Variants in NMU observed in about 807,000 individuals in gnomAD.
NMU encodes neuromedin-U.
A neutral mutation model predicts 35.4 loss-of-function variants in NMU; 29 were observed. That is an observed-to-expected ratio of 0.82 (90% CI 0.61 to 1.12). The LOEUF (loss-of-function observed/expected upper bound fraction) is 1.12. Among genes scored for constraint, NMU ranks in the 50% most tolerant of loss-of-function variants. NMU has a pLI of 0.00. For synonymous variants in NMU, 78 were observed against 81.3 expected (o/e 0.96, Z 0.22); for missense variants, 199 against 206.2 (o/e 0.97, Z 0.21).
chr4:55,629,583 C>A lies in NMU; in HGVS notation c.171+819G>T, dbSNP rs190175852. ...GCAGTGAGCGGAGATAGAGCCACTGCACTCCAGCATGGTGACAGCAAGACC... is the reference window on the plus strand; with the variant it reads ...GCAGTGAGCGGAGATAGAGCCACTGAACTCCAGCATGGTGACAGCAAGACC... On this transcript the variant is annotated intron_variant, in intron 2 of 9. Transcript: ENST00000264218. 1.5e-4 allele frequency among the ~76,000 whole-genome samples: 21 copies of A among 142,680 alleles called. No individual in the cohort carries two copies. In the East Asian group the frequency reaches 2.9e-3, roughly 19 times the overall value. The allele number at this position is 142,680 out of a possible 152,430, so 93.6% of individuals were successfully genotyped here.
At chr4:55,609,065 C>A in intron 4 of NMU, 55 bp downstream of exon 4, 1 of 1,456,736 alleles carries the variant, frequency 6.9e-7, no homozygotes, top group Non-Finnish European at 9.6e-7. Flanking sequence ...AGGAGAAATT[C>A]CAAGAAATTT....
intron 1 of NMU, among the ~76,000 whole-genome samples, chr4:55,634,621 G>T (rs993287912): frequency 6.6e-6 from 1 of 152,178 alleles, no homozygotes; most frequent in Non-Finnish European, 1.5e-5. Flanking sequence ...CAAATGCATA[G>T]AAAGCCATTT....
chr4:55,598,244 A>G (rs993892011), intron 9 of NMU, among the ~76,000 whole-genome samples: 4 of 151,816 alleles, frequency 2.6e-5, no homozygotes, highest in Non-Finnish European at 5.9e-5. Context: ...GGCATGCACC[A>G]CCACATCTGG....
At position 55,608,812 on chromosome 4, in the gene NMU, A is replaced by G. The variant is rs17085947; in HGVS notation, c.279+308T>C. On this transcript the variant is annotated intron_variant, in intron 4 of 9. Transcript: ENST00000264218. ...GCTTAGAAAGATGCATCTGTTCTCC[A>G]AAGTAGCATGAGTCAGGGCAAAAAA... 9.0e-3 allele frequency among the ~76,000 whole-genome samples: 1,374 copies of G among 152,186 alleles called. 27 individuals carry two copies. Among genetic ancestry groups the G allele is most frequent in the African/African-American group, 0.032 (1,324 of 41,510 alleles).
intron 9 of NMU, among the ~76,000 whole-genome samples, chr4:55,597,620 C>G (rs1733241980): frequency 6.6e-6 from 1 of 152,156 alleles, no homozygotes; most frequent in African/African-American, 2.4e-5. Context: ...CCCACCTTGG[C>G]CTCCCAAGGT....
At chr4:55,599,322 C>T in intron 8 of NMU, 141 bp from the exon 9 acceptor site, 2 of 667,808 alleles carry the variant, frequency 3.0e-6, no homozygotes, top group Non-Finnish European at 5.4e-6. Context: ...GACTGCTGGA[C>T]CCCATAGCCA....
intron 7 of NMU, among the ~76,000 whole-genome samples, chr4:55,603,068 G>T (rs1733487684): frequency 6.6e-6 from 1 of 152,126 alleles, no homozygotes; most frequent in Non-Finnish European, 1.5e-5. Context: ...CACGATCTCG[G>T]CTTACTGAAA....
chr4:55,636,716 CT>C (rs1560530647), upstream of NMU: 1 of 152,812 alleles, frequency 6.5e-6, no homozygotes, highest in African/African-American at 2.4e-5. The surrounding 1 kb of genome is among the most constrained non-coding windows in gnomAD (Gnocchi z 4.0). Flanking sequence ...GTGGAAGCAC[CT>C]CTGTTTTGTT....
intron 2 of NMU, among the ~76,000 whole-genome samples, chr4:55,618,268 G>C (rs897040545): frequency 6.6e-6 from 1 of 152,040 alleles, no homozygotes; most frequent in African/African-American, 2.4e-5. Context: ...TTGTTACATA[G>C]GTATACACAT....
In NMU at chr4:55,629,650, G is replaced by A. The variant is rs530744640; in HGVS notation, c.171+752C>T. 1.2e-3 allele frequency among the ~76,000 whole-genome samples: 174 copies of A among 149,494 alleles called. 1 individual carries two copies. Among genetic ancestry groups the A allele is most frequent in the African/African-American group, 3.9e-3 (159 of 40,810 alleles). On this transcript the variant is annotated intron_variant, in intron 2 of 9. Coordinates refer to ENST00000264218, the MANE Select transcript of NMU (RefSeq NM_006681.4). ...AAAAAAAAAAAAAAAATTCCTGGGC[G>A]GAAGTAATCCTCCCATTTCAGCCTC...
chr4:55,610,741 A>G (rs1361921208), intron 3 of NMU, among the ~76,000 whole-genome samples: 1 of 152,208 alleles, frequency 6.6e-6, no homozygotes, highest in Non-Finnish European at 1.5e-5. Flanking sequence ...ACATTTTCAT[A>G]TACAGTCATG....
intron 1 of NMU, among the ~76,000 whole-genome samples, chr4:55,630,728 T>C (rs1734720983): frequency 6.6e-6 from 1 of 152,150 alleles, no homozygotes; most frequent in Admixed American, 6.5e-5. Flanking sequence ...ATTGGAAGAA[T>C]GAATATTATG....
intron 4 of NMU, among the ~76,000 whole-genome samples, chr4:55,608,776 T>C (rs1195932409): frequency 6.6e-6 from 1 of 152,058 alleles, no homozygotes; most frequent in African/African-American, 2.4e-5. Flanking sequence ...AACCATAAGA[T>C]GTGCTTAGCA....
chr4:55,599,279 A>C (rs1026556570), intron 8 of NMU, 98 bp from the exon 9 acceptor site: 1 of 937,714 alleles, frequency 1.1e-6, no homozygotes, highest in Non-Finnish European at 1.8e-6. Context: ...TTTAACGTGC[A>C]TCACAATCAT....
intron 7 of NMU, among the ~76,000 whole-genome samples, chr4:55,601,589 A>G (rs1460303105): frequency 6.6e-6 from 1 of 152,164 alleles, no homozygotes; most frequent in Non-Finnish European, 1.5e-5. Flanking sequence ...CCCCCAAAAT[A>G]TGTATAACTA....
intron 2 of NMU, among the ~76,000 whole-genome samples, chr4:55,627,110 C>T (rs1734561381): frequency 6.6e-6 from 1 of 152,176 alleles, no homozygotes; most frequent in Non-Finnish European, 1.5e-5. Context: ...TGCTTGCAGT[C>T]AGAAACTATA....
rs991770439 is a variant in NMU at position 55,595,322 on chromosome 4, A to G, written c.*94T>C. 7 of 152,478 alleles carry G rather than the reference A, an allele frequency of 4.6e-5. No homozygotes were observed. The highest frequency in any genetic ancestry group is 1.7e-4 in the African/African-American group (7 of 41,406). 9.4% of individuals were successfully genotyped at this position (152,478 alleles called of 1,614,324 possible). ...ACAACACAGGGATTTTCAACAGAGT[A>G]CATTTAGCAAGGATTTTTTTCAGAA... On this transcript the variant is annotated 3_prime_UTR_variant, in exon 10 of 10. Transcript: ENST00000264218.
In NMU at chr4:55,598,860, T is replaced by C. The variant is rs148534058; in HGVS notation, c.*4+282A>G. On this transcript the variant is annotated intron_variant, in intron 9 of 9. Transcript: ENST00000264218. The stretch of plus-strand genomic sequence containing the variant: ...AGATCAATGTCTACAAAATCACTTA[T>C]GATCATTACTATTGTGACATAGTCT... Among the ~76,000 whole-genome samples the C allele has an allele frequency of 2.8e-4, 42 of 152,300 alleles. No individual in the cohort carries two copies. The East Asian group carries it at 3.3e-3, about 12-fold the overall frequency.
intron 3 of NMU, among the ~76,000 whole-genome samples, 179 bp downstream of exon 3, chr4:55,616,159 A>T (rs1479787663): frequency 6.6e-6 from 1 of 152,234 alleles, no homozygotes; most frequent in Non-Finnish European, 1.5e-5. Context: ...TTAGAGATGA[A>T]AGCCCTAGCA....
Sources: allele counts gnomAD v4.1 joint callset (sites outside exome capture counted in the v4.1 genomes callset), GRCh38; gene constraint gnomAD v4.1.1; non-coding constraint Gnocchi (gnomAD v3.1); transcripts MANE v1.5; gene names NCBI Gene and HGNC (gene_info 2026-07-23, HGNC 2026-07-21).